The following CEMIP2 variants were observed in gnomAD, a reference collection of about 807,000 sequenced individuals.
CEMIP2 encodes the protein cell surface hyaluronidase CEMIP2.
A neutral mutation model predicts 146.9 loss-of-function variants in CEMIP2; 79 were observed. The observed-to-expected ratio is 0.54, with a 90% CI of 0.45 to 0.65. The LOEUF (loss-of-function observed/expected upper bound fraction) is 0.65. CEMIP2 is among the 30% of genes least tolerant of loss of function. CEMIP2 has a pLI of 0.00. For synonymous variants in CEMIP2, 601 were observed against 606.3 expected (o/e 0.99, Z 0.13); for missense variants, 1,596 against 1,696.2 (o/e 0.94, Z 1.04).
chr9:71,759,792 G>A (rs946981154), intron 1 of CEMIP2, among the ~76,000 whole-genome samples: 2 of 140,800 alleles, frequency 1.4e-5, no homozygotes, highest in African/African-American at 5.3e-5. Flanking sequence ...AAAGAAGCAG[G>A]GATAATTGTT....
At chr9:71,744,114 C>T (rs564041361) in intron 4 of CEMIP2, among the ~76,000 whole-genome samples, 1 of 152,246 alleles carries the variant, frequency 6.6e-6, no homozygotes, top group Non-Finnish European at 1.5e-5. Flanking sequence ...GTGGTTCATG[C>T]CTATGAAGCC....
At chr9:71,743,612 G>A (rs1228305808) in intron 4 of CEMIP2, among the ~76,000 whole-genome samples, 1 of 151,960 alleles carries the variant, frequency 6.6e-6, no homozygotes, top group Non-Finnish European at 1.5e-5. Flanking sequence ...TAATACTCAC[G>A]CTCCCATTGC....
At chr9:71,753,959 T>G (rs977220212) in intron 1 of CEMIP2, among the ~76,000 whole-genome samples, 1 of 152,132 alleles carries the variant, frequency 6.6e-6, no homozygotes, top group African/African-American at 2.4e-5. Context: ...CTAAATTCAA[T>G]TTTAAATCAC....
At chr9:71,754,598 A>G (rs1263646868) in intron 1 of CEMIP2, among the ~76,000 whole-genome samples, 2 of 152,240 alleles carry the variant, frequency 1.3e-5, no homozygotes, top group Non-Finnish European at 2.9e-5. Flanking sequence ...CACCTAAAAT[A>G]AGACAGATAA....
At chr9:71,760,071 TGAAA>T (rs1190311387) in intron 1 of CEMIP2, among the ~76,000 whole-genome samples, 1 of 151,404 alleles carries the variant, frequency 6.6e-6, no homozygotes, top group African/African-American at 2.4e-5. Context: ...TATTTAAAGT[TGAAA>T]GATTTATTTT....
chr9:71,759,843 A>C, intron 1 of CEMIP2, among the ~76,000 whole-genome samples: 1 of 60,962 alleles, frequency 1.6e-5, no homozygotes. Context: ...GGGGGATGGC[A>C]GGGGGTCAGT....
At position 71,732,439 on chromosome 9, in the gene CEMIP2, A is replaced by G. The variant is rs200733178; in HGVS notation, c.1475T>C (p.Ile492Thr). 3.2e-5 allele frequency: 51 copies of G among 1,613,940 alleles called. No homozygotes were observed. The highest frequency in any genetic ancestry group is 1.7e-4 in the Admixed American group (10 of 59,950). ...RAEVGILTRN[I>T]VIQGEVEDSC... Reference sequence around the variant, plus strand: ...GTCCTCCACTTCTCCTTGGATCACAATATTCCGGGTAAGAATTCCAACCTC... The same window carrying G: ...GTCCTCCACTTCTCCTTGGATCACAGTATTCCGGGTAAGAATTCCAACCTC... Residue 492 changes from isoleucine (I) to threonine (T), a missense_variant, in exon 7 of 24, where the codon ATT (isoleucine) becomes ACT (threonine). Coordinates refer to ENST00000377044, the MANE Select transcript of CEMIP2 (RefSeq NM_013390.3).
intron 12 of CEMIP2, among the ~76,000 whole-genome samples, chr9:71,719,865 T>C (rs963583297): frequency 2.1e-5 from 1 of 47,956 alleles, no homozygotes; most frequent in African/African-American, 6.3e-5. Flanking sequence ...AAAAAAAGAG[T>C]ACTATAAGGC....
intron 1 of CEMIP2, among the ~76,000 whole-genome samples, chr9:71,754,779 G>A (rs955009235): frequency 1.3e-5 from 2 of 151,876 alleles, no homozygotes; most frequent in African/African-American, 4.8e-5. Context: ...TATGAATCAA[G>A]CAAGCAAGTA....
intron 10 of CEMIP2, among the ~76,000 whole-genome samples, chr9:71,728,242 TATATATATGTATATAC>T (rs1823462923): frequency 4.4e-5 from 2 of 45,882 alleles, no homozygotes; most frequent in Non-Finnish European, 1.0e-4. Flanking sequence ...TATATATATA[TATATATATGTATATAC>T]ACGTATATAT....
intron 1 of CEMIP2, among the ~76,000 whole-genome samples, chr9:71,758,054 G>GTA (rs1824517145): frequency 1.3e-5 from 2 of 152,108 alleles, no homozygotes; most frequent in Admixed American, 1.3e-4. Flanking sequence ...AGAATATAAT[G>GTA]TATCACCTAT....
At position 71,744,990 on chromosome 9, in the gene CEMIP2, T is replaced by C. The variant is rs1221009840; in HGVS notation, c.1034+28A>G. On this transcript the variant is annotated intron_variant, in intron 4 of 23. Transcript: ENST00000377044. ...CCTCTCACACAGACACGGACTCTGA[T>C]AGGGATCTGGGAAGAAGGTATGCCT... 8 of 1,595,502 alleles carry C rather than the reference T, an allele frequency of 5.0e-6. No homozygotes were observed. In the South Asian group the frequency reaches 6.8e-5, roughly 13 times the overall value.
Position 71,745,212 on chromosome 9 carries a change from C to T in CEMIP2, c.840G>A (p.Leu280=), listed in dbSNP as rs148738602. ...CATGGGTATCAAATCTCTCACTTTC[C>T]AAAATTTTGGCCGTGTCTTGGTCAA... is the stretch of plus-strand genomic sequence containing the variant. ...RVIDQDTAKI[L]ESERFDTHEY... The change falls in exon 4 of 24, where the codon TTG becomes TTA. Residue 280 remains leucine, a synonymous_variant. Transcript: ENST00000377044. The T allele has an allele frequency of 1.5e-3, 2,401 of 1,614,040 alleles. 11 individuals are homozygous for T. In the Middle Eastern group the frequency reaches 0.026, roughly 18 times the overall value.
chr9:71,752,720 T>A (rs1824298974), intron 1 of CEMIP2, among the ~76,000 whole-genome samples: 1 of 151,964 alleles, frequency 6.6e-6, no homozygotes, highest in African/African-American at 2.4e-5. Flanking sequence ...TAAAGGTACT[T>A]CCAAATTGCT....
At chr9:71,700,129 G>A (rs991098661) in intron 19 of CEMIP2, among the ~76,000 whole-genome samples, 4 of 152,172 alleles carry the variant, frequency 2.6e-5, no homozygotes, top group Non-Finnish European at 5.9e-5. Flanking sequence ...CTGGGTAAAA[G>A]CAGTCAAAAC....
chr9:71,754,022 C>T (rs149209677), intron 1 of CEMIP2, among the ~76,000 whole-genome samples: 10,485 of 152,098 alleles, frequency 0.069, 513 homozygotes, highest in South Asian at 0.19. Flanking sequence ...AATGAGATCA[C>T]TTGGACACAG....
intron 21 of CEMIP2, 121 bp from the exon 22 acceptor site, chr9:71,690,367 A>G (rs771257300): frequency 5.1e-5 from 65 of 1,267,818 alleles, no homozygotes; most frequent in Non-Finnish European, 6.9e-5. Context: ...TATTTCCAAG[A>G]TTCAAATTGT....
chr9:71,767,721 G>A (rs1824839032), intron 1 of CEMIP2, among the ~76,000 whole-genome samples: 1 of 152,206 alleles, frequency 6.6e-6, no homozygotes, highest in Admixed American at 6.5e-5. Context: ...GAGAAAAGCT[G>A]GGAATAGGGT....
intron 10 of CEMIP2, among the ~76,000 whole-genome samples, chr9:71,729,573 G>A (rs989304065): frequency 2.0e-5 from 3 of 151,144 alleles, no homozygotes; most frequent in Non-Finnish European, 4.4e-5. Flanking sequence ...GACCAAGATC[G>A]CGCCACTGCA....
Sources: allele counts gnomAD v4.1 joint callset (sites outside exome capture counted in the v4.1 genomes callset), GRCh38; gene constraint gnomAD v4.1.1; transcripts MANE v1.5; gene names NCBI Gene and HGNC (gene_info 2026-07-23, HGNC 2026-07-21).